Variants in RBM10 observed in about 807,000 individuals in gnomAD.
RBM10 encodes RNA binding motif protein 10.
In RBM10, 1 loss-of-function variant was observed where a neutral mutation model predicts 84.9. The observed-to-expected ratio is 0.01, with a 90% CI of 0.00 to 0.06. The LOEUF is 0.06. RBM10 is among the 10% of genes least tolerant of loss of function. The pLI, the probability that RBM10 is intolerant of heterozygous loss-of-function variation, is 1.00. For missense variants in RBM10, 438 were observed against 839.0 expected (o/e 0.52, Z 5.90); for synonymous variants, 326 against 344.5 (o/e 0.95, Z 0.60).
intron 13 of RBM10, 32 bp downstream of exon 13, chrX:47,181,433 G>T (rs1422349027): frequency 8.3e-7 from 1 of 1,207,857 alleles, no homozygotes; most frequent in Non-Finnish European, 1.1e-6. Context: ...TGCAGCTGTG[G>T]TGGGGGCCAG....
intron 1 of RBM10, among the ~76,000 whole-genome samples, chrX:47,146,800 T>A (rs782416373): frequency 1.5e-4 from 17 of 111,380 alleles, no homozygotes; most frequent in Middle Eastern, 4.7e-3. Flanking sequence ...AGGTGGCAGC[T>A]GTCTCGTCGC....
At position 47,145,237 on chromosome X, in the gene RBM10, T is replaced by C. The variant is rs1415364619; in HGVS notation, c.-374T>C. ...CGCTTCCTTAGTAGGTGGATGGTGG[T>C]CGGAGCGCCGACTCCCTTCTCGTCG... On this transcript the variant is annotated 5_prime_UTR_variant, in exon 1 of 24. Coordinates refer to ENST00000377604, the MANE Select transcript of RBM10 (RefSeq NM_005676.5). 1.3e-5 allele frequency: 6 copies of C among 462,568 alleles called. No individual in the cohort carries two copies. Among genetic ancestry groups the C allele is most frequent in the Non-Finnish European group, 2.3e-5 (6 of 263,338 alleles). 38.1% of individuals were successfully genotyped at this position (462,568 alleles called of 1,213,427 possible).
At chrX:47,159,927 C>A (rs1314009784) in intron 2 of RBM10, among the ~76,000 whole-genome samples, 2 of 111,531 alleles carry the variant, frequency 1.8e-5, no homozygotes, top group Admixed American at 9.6e-5. Context: ...CACCTGAGGT[C>A]GAGAGTTCGA....
chrX:47,168,769 A>G (rs1934423949), intron 2 of RBM10, among the ~76,000 whole-genome samples: 1 of 110,731 alleles, frequency 9.0e-6, no homozygotes. Context: ...TGATCCTGAG[A>G]CTGAGGGGGA....
intron 12 of RBM10, 80 bp downstream of exon 12, chrX:47,180,586 G>A: frequency 8.5e-7 from 1 of 1,173,885 alleles, no homozygotes. Flanking sequence ...GAAGCAGGAA[G>A]GCTGGCTTGC....
chrX:47,163,285 G>T (rs191833808), intron 2 of RBM10, among the ~76,000 whole-genome samples: 1 of 111,541 alleles, frequency 9.0e-6, no homozygotes, highest in Non-Finnish European at 1.9e-5. Context: ...TCAGAAAAAG[G>T]ATATTAACGA....
chrX:47,153,425 AT>A lies in RBM10; in HGVS notation c.17+5938del, dbSNP rs1230466738. Among the ~76,000 whole-genome samples, 98 of 103,697 alleles carry A rather than the reference AT, an allele frequency of 9.5e-4. 1 individual carries two copies. The highest frequency in any genetic ancestry group is 4.9e-3 in the Admixed American group (47 of 9,585). 90.0% of individuals were successfully genotyped at this position (103,697 alleles called of 115,157 possible). ...TATCTTTGTCTTTTATGACCTTGTC[AT>A]TTTTTTTTTTCCTGAACCTATGGAT... On this transcript the variant is annotated intron_variant, in intron 2 of 23. Coordinates refer to ENST00000377604, the MANE Select transcript of RBM10 (RefSeq NM_005676.5).
chrX:47,174,550 C>T (rs964667366), intron 5 of RBM10, among the ~76,000 whole-genome samples: 2 of 112,053 alleles, frequency 1.8e-5, no homozygotes, highest in Admixed American at 1.9e-4. Flanking sequence ...TACAGGACCC[C>T]TCCTGGGCAC....
chrX:47,148,635 CAT>C (rs1932501660), intron 2 of RBM10, among the ~76,000 whole-genome samples: 1 of 91,165 alleles, frequency 1.1e-5, no homozygotes, highest in Non-Finnish European at 2.2e-5. Context: ...TTCTATGATA[CAT>C]ATCATAGAAA....
At chrX:47,154,721 G>A (rs782243399) in intron 2 of RBM10, among the ~76,000 whole-genome samples, 2 of 110,381 alleles carry the variant, frequency 1.8e-5, no homozygotes, top group Non-Finnish European at 3.8e-5. Flanking sequence ...AAAGTGCTGG[G>A]ATTACAGGTG....
Position 47,186,154 on chromosome X carries a change from C to T in RBM10, c.2520C>T (p.Gly840=), listed in dbSNP as rs2147223801. The T allele has an allele frequency of 1.6e-6, 2 of 1,212,693 alleles. No homozygotes were observed. The highest frequency in any genetic ancestry group is 2.2e-6 in the Non-Finnish European group (2 of 895,658). ...AGCCCAAGAGGAGGAAGTACGGCGG[C>T]ATATCCACAGCCTCTGTGTGAGTGG... ...PPEPKRRKYG[G]ISTASVDFEQ... Residue 840 remains glycine (G), a synonymous_variant, in exon 22 of 24, where the codon GGC becomes GGT. Coordinates refer to ENST00000377604, the MANE Select transcript of RBM10 (RefSeq NM_005676.5).
intron 4 of RBM10, 129 bp downstream of exon 4, chrX:47,171,387 C>A: frequency 9.9e-7 from 1 of 1,011,994 alleles, no homozygotes. Context: ...CAGCTCCTAT[C>A]CCCCAGCACT....
In RBM10 at chrX:47,185,084, C is replaced by G. The variant is rs1935808422; in HGVS notation, c.1980C>G (p.Arg660=). The change falls in exon 18 of 24, where the codon CGC becomes CGG. Residue 660 remains arginine, a synonymous_variant. Coordinates refer to ENST00000377604, the MANE Select transcript of RBM10 (RefSeq NM_005676.5). Reference sequence around the variant, plus strand: ...CCAAGGACATGGAACGCTGGGCCCGCAGTCTCAACAAACAAAAAGAAAACT... The same window carrying G: ...CCAAGGACATGGAACGCTGGGCCCGGAGTCTCAACAAACAAAAAGAAAACT... ...QIAKDMERWA[R]SLNKQKENFK... 8.3e-7 allele frequency: 1 copy of G among 1,210,729 alleles called. No individual in the cohort carries two copies. The highest frequency in any genetic ancestry group is 1.7e-5 in the African/African-American group (1 of 57,689).
chrX:47,153,928 G>A (rs1226978892), intron 2 of RBM10, among the ~76,000 whole-genome samples: 1 of 110,799 alleles, frequency 9.0e-6, no homozygotes, highest in Non-Finnish European at 1.9e-5. Flanking sequence ...CGTGGTGGCA[G>A]GTGCCTATAG....
intron 2 of RBM10, among the ~76,000 whole-genome samples, chrX:47,151,914 C>G (rs782598069): frequency 8.9e-6 from 1 of 112,118 alleles, no homozygotes; most frequent in Admixed American, 9.5e-5. Context: ...CTTTTTTTCT[C>G]CCTTTGTCCA....
At chrX:47,176,724 C>G (rs1935182974) in intron 7 of RBM10, 138 bp downstream of exon 7, 1 of 996,553 alleles carries the variant, frequency 1.0e-6, no homozygotes, top group South Asian at 2.3e-5. Flanking sequence ...GTCTCTCTCT[C>G]TCTCTCTCTC....
chrX:47,174,041 C>G (rs904344343), intron 5 of RBM10, among the ~76,000 whole-genome samples: 4 of 103,755 alleles, frequency 3.9e-5, no homozygotes, highest in African/African-American at 1.4e-4. Context: ...GCATGCCCCC[C>G]CAAGCCCCTC....
At chrX:47,164,514 T>A (rs1448467126) in intron 2 of RBM10, among the ~76,000 whole-genome samples, 1 of 95,729 alleles carries the variant, frequency 1.0e-5, no homozygotes, top group Non-Finnish European at 2.0e-5. Context: ...AGAGTTGTAC[T>A]CCATCTCAAA....
intron 2 of RBM10, among the ~76,000 whole-genome samples, chrX:47,149,955 G>C (rs1361065742): frequency 9.3e-6 from 1 of 107,771 alleles, no homozygotes; most frequent in Non-Finnish European, 1.9e-5. Flanking sequence ...CAAGTAGCTG[G>C]GATTACAGGC....
Sources: allele counts gnomAD v4.1 joint callset (sites outside exome capture counted in the v4.1 genomes callset), GRCh38; gene constraint gnomAD v4.1.1; transcripts MANE v1.5; gene names NCBI Gene and HGNC (gene_info 2026-07-23, HGNC 2026-07-21).